Variants in WWP2 observed in about 807,000 individuals in gnomAD.
WWP2 encodes the protein WW domain containing E3 ubiquitin protein ligase 2, also known as NEDD4-like E3 ubiquitin-protein ligase WWP2.
Under a neutral mutation model 121.0 loss-of-function variants are expected in WWP2, and 57 were observed. The ratio of observed to expected loss-of-function variants is 0.47; its 90% CI spans 0.38 to 0.59. The LOEUF is 0.59. Ranked by LOEUF, WWP2 falls within the 20% of genes least tolerant of loss-of-function variation. The pLI is 0.00. For missense variants in WWP2, 962 were observed against 1,158.9 expected, an observed-to-expected ratio of 0.83 and a Z score of 2.47; for synonymous variants, 449 against 441.3, an observed-to-expected ratio of 1.02 and a Z score of -0.22.
rs189420232 is a variant in WWP2, at chr16:69,938,662, G to A, written c.2344-365G>A. 7.9e-5 allele frequency among the ~76,000 whole-genome samples: 12 copies of A among 152,284 alleles called. No homozygotes were observed. The South Asian group carries it at 1.2e-3, about 16-fold the overall frequency. On this transcript the variant is annotated intron_variant, in intron 21 of 23. Coordinates refer to ENST00000359154, the MANE Select transcript of WWP2 (RefSeq NM_001270454.2). The stretch of plus-strand genomic sequence containing the variant: ...GCTTCCAGTACATTCACAGTGTTGT[G>A]CACCTGGCACCACTATCTAATTCTG...
chr16:69,800,128 C>T (rs1181147581), intron 4 of WWP2, among the ~76,000 whole-genome samples: 1 of 152,128 alleles, frequency 6.6e-6, no homozygotes, highest in Non-Finnish European at 1.5e-5. Flanking sequence ...CAAGCCTGTC[C>T]TTTTAAGCGA....
At chr16:69,926,488 T>C (rs2058641414) in intron 11 of WWP2, among the ~76,000 whole-genome samples, 1 of 152,200 alleles carries the variant, frequency 6.6e-6, no homozygotes, top group South Asian at 2.1e-4. Context: ...GGGCATCTGA[T>C]GCCTGGAAAC....
chr16:69,864,799 A>C (rs1185701654), intron 6 of WWP2, among the ~76,000 whole-genome samples: 2 of 151,348 alleles, frequency 1.3e-5, no homozygotes, highest in African/African-American at 4.9e-5. Context: ...TTTAATAGAG[A>C]AGGGGTTTCA....
intron 7 of WWP2, among the ~76,000 whole-genome samples, chr16:69,883,575 CAACTTT>C (rs1315713096): frequency 1.3e-5 from 2 of 151,966 alleles, no homozygotes; most frequent in Non-Finnish European, 2.9e-5. Flanking sequence ...TTCTTTTTTT[CAACTTT>C]AAGTTCCGGG....
intron 9 of WWP2, among the ~76,000 whole-genome samples, chr16:69,912,966 A>G (rs2058411773): frequency 9.7e-4 from 1 of 1,028 alleles, no homozygotes; most frequent in Non-Finnish European, 1.5e-3. Context: ...ATATATATAT[A>G]TATATATATA....
chr16:69,889,345 GACAGCAAAGA>G (rs2151940023), intron 8 of WWP2, among the ~76,000 whole-genome samples: 1 of 152,284 alleles, frequency 6.6e-6, no homozygotes, highest in African/African-American at 2.4e-5. Context: ...AATTAAATCT[GACAGCAAAGA>G]CCTTGGATGA....
intron 7 of WWP2, among the ~76,000 whole-genome samples, chr16:69,882,327 A>T (rs919128445): frequency 6.6e-6 from 1 of 152,006 alleles, no homozygotes; most frequent in African/African-American, 2.4e-5. Flanking sequence ...TCTTTCTTTT[A>T]TTTTTTAGTT....
rs1364293276 is a variant in WWP2 at position 69,937,386 on chromosome 16, C to T, written c.2238+148C>T. ...GTTTGATTTGGGACCCACCCTTCCC[C>T]AGACACTTGTTTCAAGAAAGCAGGG... On this transcript the variant is annotated intron_variant, in intron 20 of 23. Transcript: ENST00000359154. This position sits in a 1 kb window ranked among gnomAD's most constrained non-coding sequence, Gnocchi z 6.6. 7.7e-6 allele frequency: 11 copies of T among 1,425,720 alleles called. No individual in the cohort carries two copies. Among genetic ancestry groups the T allele is most frequent in the Admixed American group, 2.2e-5 (1 of 45,144 alleles). The allele number at this position is 1,425,720 out of a possible 1,614,324, so 88.3% of individuals were successfully genotyped here. A position where few individuals can be genotyped will look rare whatever the true frequency, so the allele number is the denominator to read the frequency against.
At chr16:69,821,972 G>A (rs1170453707) in intron 4 of WWP2, among the ~76,000 whole-genome samples, 1 of 151,728 alleles carries the variant, frequency 6.6e-6, no homozygotes, top group African/African-American at 2.4e-5. Flanking sequence ...GGCTTTAAAC[G>A]ATCCTCCCAC....
rs1478410195 is a variant in WWP2, at chr16:69,872,031, T to C, written c.703+100T>C. On this transcript the variant is annotated intron_variant, in intron 7 of 23. Transcript: ENST00000359154. Reference sequence around the variant, plus strand: ...CTGCCCACTGTGTCAGAATAGAGGGTGGGCGTCAGAAGGCTCTAGGACTAA... The same window carrying C: ...CTGCCCACTGTGTCAGAATAGAGGGCGGGCGTCAGAAGGCTCTAGGACTAA... The C allele has an allele frequency of 2.7e-6, 4 of 1,482,682 alleles. No homozygotes were observed. The African/African-American group carries it at 5.6e-5, about 21-fold the overall frequency. 91.8% of individuals were successfully genotyped at this position (1,482,682 alleles called of 1,614,324 possible). A position where few individuals can be genotyped will look rare whatever the true frequency, so the allele number is the denominator to read the frequency against.
intron 8 of WWP2, among the ~76,000 whole-genome samples, chr16:69,900,164 CTGAGT>C (rs1473969864): frequency 6.6e-6 from 1 of 152,136 alleles, no homozygotes; most frequent in Non-Finnish European, 1.5e-5. Context: ...AGTAAAGTAG[CTGAGT>C]TAAGGGCCAT....
intron 4 of WWP2, among the ~76,000 whole-genome samples, chr16:69,809,772 GAGAA>G (rs1212861238): frequency 6.6e-6 from 1 of 151,040 alleles, no homozygotes; most frequent in Non-Finnish European, 1.5e-5. Context: ...CCGTCAGAAA[GAGAA>G]AGAGAGAGAG....
chr16:69,914,110 A>G (rs536471613), intron 9 of WWP2, among the ~76,000 whole-genome samples: 3 of 150,212 alleles, frequency 2.0e-5, no homozygotes, highest in African/African-American at 2.5e-5. Flanking sequence ...AGAAAGTGAT[A>G]AATTTGGAGA....
chr16:69,935,752 G>A lies in WWP2; in HGVS notation c.1843-101G>A. Reference sequence around the variant, plus strand: ...TGCTGTAGTTCTGTCAGGGAAGGAAGGCGGGTAGCGGTAGCAGAGTTTGAT... The same window carrying A: ...TGCTGTAGTTCTGTCAGGGAAGGAAAGCGGGTAGCGGTAGCAGAGTTTGAT... On this transcript the variant is annotated intron_variant, in intron 17 of 23. Transcript: ENST00000359154. This position sits in a 1 kb window ranked among gnomAD's most constrained non-coding sequence, Gnocchi z 5.2. 1 of 1,502,038 alleles carries A rather than the reference G, an allele frequency of 6.7e-7. No homozygotes were observed. The highest frequency in any genetic ancestry group is 8.9e-7 in the Non-Finnish European group (1 of 1,120,790). 93.0% of individuals were successfully genotyped at this position (1,502,038 alleles called of 1,614,324 possible).
chr16:69,936,023 G>C, intron 18 of WWP2, 37 bp downstream of exon 18: 1 of 1,605,364 alleles, frequency 6.2e-7, no homozygotes, highest in Non-Finnish European at 8.5e-7. Context: ...CGCGCTGATA[G>C]GAGGGACGTC....
intron 8 of WWP2, among the ~76,000 whole-genome samples, chr16:69,899,617 C>G (rs2058166585): frequency 6.7e-6 from 1 of 150,040 alleles, no homozygotes; most frequent in Non-Finnish European, 1.5e-5. Flanking sequence ...GTAATCTCAG[C>G]TACTCGGGAG....
At chr16:69,816,933 C>A (rs1270625978) in intron 4 of WWP2, among the ~76,000 whole-genome samples, 1 of 152,100 alleles carries the variant, frequency 6.6e-6, no homozygotes, top group Non-Finnish European at 1.5e-5. Context: ...CAAAGTTGTC[C>A]TATAAGGAGT....
chr16:69,915,809 G>A (rs912400645), intron 9 of WWP2, among the ~76,000 whole-genome samples: 11 of 152,116 alleles, frequency 7.2e-5, no homozygotes, highest in Non-Finnish European at 1.6e-4. Context: ...TGAGGCGAGA[G>A]GATTGCTTGA....
chr16:69,794,735 A>C (rs752169838), intron 2 of WWP2, among the ~76,000 whole-genome samples: 1 of 152,240 alleles, frequency 6.6e-6, no homozygotes, highest in Non-Finnish European at 1.5e-5. Context: ...AGTCTTTAAA[A>C]ATCATTGTTG....
Sources: gnomAD v4.1 joint callset for allele counts (sites outside exome capture counted in the v4.1 genomes callset) on GRCh38, gnomAD v4.1.1 for gene constraint, Gnocchi (gnomAD v3.1) non-coding constraint, MANE v1.5 for transcripts, NCBI Gene and HGNC (gene_info 2026-07-23, HGNC 2026-07-21) for gene names.